DMXL1: variants seen among roughly 807,000 people sequenced by gnomAD.
The protein encoded by DMXL1 is dmX-like protein 1.
A neutral mutation model predicts 319.2 loss-of-function variants in DMXL1; 99 were observed. That is an observed-to-expected ratio of 0.31 (90% CI 0.26 to 0.37). The LOEUF (loss-of-function observed/expected upper bound fraction) is 0.37. Ranked by LOEUF, DMXL1 falls within the 10% of genes least tolerant of loss-of-function variation. DMXL1 has a pLI of 1.00. For synonymous variants in DMXL1, 1,385 were observed against 1,235.2 expected (o/e 1.12, Z -2.54); for missense variants, 3,745 against 3,595.6 (o/e 1.04, Z -1.06).
In DMXL1 at chr5:119,218,426, ATTTATTTTAT is replaced by A. The variant is rs1218226274; in HGVS notation, c.8013+1454_8013+1463del. Among the ~76,000 whole-genome samples, 4 of 151,732 alleles carry A rather than the reference ATTTATTTTAT, an allele frequency of 2.6e-5. No homozygotes were observed. The East Asian group carries it at 7.7e-4, about 29-fold the overall frequency. On this transcript the variant is annotated intron_variant, in intron 35 of 43. Transcript: ENST00000539542. ...TTATTTCCCCAGATTTGCTATTTTT[ATTTATTTTAT>A]TTTATTTTATTTTACTTTATTTTAT...
intron 35 of DMXL1, among the ~76,000 whole-genome samples, chr5:119,219,560 A>ATTT (rs200458602): frequency 0.044 from 6,645 of 151,012 alleles, 405 homozygotes; most frequent in East Asian, 0.14. Flanking sequence ...ACATTTAATT[A>ATTT]ATTAATTAAT....
At chr5:119,180,507 C>G (rs951178262) in intron 28 of DMXL1, among the ~76,000 whole-genome samples, 1 of 152,136 alleles carries the variant, frequency 6.6e-6, no homozygotes, top group Non-Finnish European at 1.5e-5. Flanking sequence ...TTAAATTAAA[C>G]TCATTTACTT....
intron 33 of DMXL1, among the ~76,000 whole-genome samples, chr5:119,204,115 C>T (rs1201457180): frequency 6.6e-6 from 1 of 151,992 alleles, no homozygotes; most frequent in African/African-American, 2.4e-5. Context: ...AACCACCACG[C>T]CCGGCCTGAA....
chr5:119,246,095 A>G (rs1318138115), intron 43 of DMXL1, among the ~76,000 whole-genome samples: 2 of 152,214 alleles, frequency 1.3e-5, no homozygotes, highest in African/African-American at 4.8e-5. Flanking sequence ...TTCTTCCCAT[A>G]AGTAAAGATG....
At chr5:119,175,014 AG>A (rs926591951) in intron 25 of DMXL1, among the ~76,000 whole-genome samples, 9 of 152,252 alleles carry the variant, frequency 5.9e-5, no homozygotes, top group Non-Finnish European at 8.8e-5. Flanking sequence ...CTCTAGAAAA[AG>A]AAATTAGGTA....
Position 119,133,653 on chromosome 5 carries a change from A to T in DMXL1, c.1729A>T (p.Ile577Phe). 6.2e-7 allele frequency: 1 copy of T among 1,614,162 alleles called. No individual in the cohort carries two copies. The highest frequency in any genetic ancestry group is 8.5e-7 in the Non-Finnish European group (1 of 1,180,024). ...CCTCACCCGTTCCACATCAATGCTT[A>T]TTTCTTCTGGTCACAATAAATCATC... ...SGLTRSTSMLISSGHNKSSNS... is the reference protein window; with the variant it reads ...SGLTRSTSMLFSSGHNKSSNS... The change falls in exon 12 of 44, where the codon ATT becomes TTT. Residue 577 changes from isoleucine (I) to phenylalanine (F), a missense_variant. Coordinates refer to ENST00000539542, the MANE Select transcript of DMXL1 (RefSeq NM_001290321.3).
In DMXL1 at chr5:119,080,961, A is replaced by G. The variant is rs117929313; in HGVS notation, c.87+9305A>G. On this transcript the variant is annotated intron_variant, in intron 1 of 43. Transcript: ENST00000539542. ...ATGTAAATCTGGCTAACTCATCCCT[A>G]AAGGCTTGGTTTTGATGTCCCTAGT... Among the ~76,000 whole-genome samples the G allele has an allele frequency of 9.3e-3, 1,421 of 152,284 alleles. 18 individuals are homozygous for G. Among genetic ancestry groups the G allele is most frequent in the South Asian group, 0.027 (128 of 4,828 alleles).
chr5:119,113,294 T>C (rs926285778), intron 5 of DMXL1, among the ~76,000 whole-genome samples: 14 of 152,156 alleles, frequency 9.2e-5, no homozygotes, highest in Admixed American at 9.2e-4. Flanking sequence ...CCAGGCTGAG[T>C]ATGGTGGCGT....
At chr5:119,089,846 G>A (rs1411162755) in intron 1 of DMXL1, among the ~76,000 whole-genome samples, 2 of 150,058 alleles carry the variant, frequency 1.3e-5, no homozygotes, top group African/African-American at 4.9e-5. Context: ...GGCTGGTCTT[G>A]AACTCCACAC....
rs745994850 is a variant in DMXL1 at position 119,094,851 on chromosome 5, C to CTT, written c.88-3111_88-3110dup. Among the ~76,000 whole-genome samples the CTT allele has an allele frequency of 4.4e-3, 594 of 133,914 alleles. 3 individuals carry two copies. Among genetic ancestry groups the CTT allele is most frequent in the African/African-American group, 0.015 (540 of 36,598 alleles). The allele number at this position is 133,914 out of a possible 152,430, so 87.9% of individuals were successfully genotyped here. On this transcript the variant is annotated intron_variant, in intron 1 of 43. Transcript: ENST00000539542. ...GGAAGTAACTGCAGACTTGCACAAT[C>CTT]TTTTTTTTTTTTTTTTTTAATTTTT... is the stretch of plus-strand genomic sequence containing the variant.
chr5:119,144,775 C>G, intron 15 of DMXL1, 137 bp downstream of exon 15: 2 of 506,762 alleles, frequency 3.9e-6, no homozygotes, highest in Non-Finnish European at 6.9e-6. Flanking sequence ...AAATATTTAT[C>G]ATAAATATGA....
At chr5:119,172,087 C>A in intron 25 of DMXL1, 118 bp downstream of exon 25, 1 of 908,532 alleles carries the variant, frequency 1.1e-6, no homozygotes, top group South Asian at 2.2e-5. Context: ...GCAATTGTTA[C>A]ATTGCCAAGT....
At chr5:119,087,400 GT>G (rs1415644131) in intron 1 of DMXL1, among the ~76,000 whole-genome samples, 2 of 151,968 alleles carry the variant, frequency 1.3e-5, no homozygotes, top group African/African-American at 4.8e-5. Context: ...TTTTAAGAAA[GT>G]TTTAATTTCC....
chr5:119,122,861 G>A (rs1323361197), intron 9 of DMXL1, among the ~76,000 whole-genome samples: 1 of 151,216 alleles, frequency 6.6e-6, no homozygotes, highest in African/African-American at 2.4e-5. Context: ...CCCAGACGAT[G>A]GGCGGCCAGG....
chr5:119,138,241 G>C (rs533502073), intron 13 of DMXL1, among the ~76,000 whole-genome samples: 1 of 152,082 alleles, frequency 6.6e-6, no homozygotes, highest in African/African-American at 2.4e-5. Flanking sequence ...GACTGGATGC[G>C]GTATGTGTGA....
intron 23 of DMXL1, 78 bp downstream of exon 23, chr5:119,167,942 G>C: frequency 7.2e-7 from 1 of 1,383,630 alleles, no homozygotes; most frequent in Non-Finnish European, 9.8e-7. Flanking sequence ...TCTATTAGGT[G>C]GTAAGGGTAA....
chr5:119,206,292 C>A (rs1781727942), intron 33 of DMXL1, among the ~76,000 whole-genome samples: 2 of 151,858 alleles, frequency 1.3e-5, no homozygotes, highest in Non-Finnish European at 2.9e-5. Flanking sequence ...ACAACTCTTT[C>A]TTTAACAAGT....
At position 119,107,794 on chromosome 5, in the gene DMXL1, T is replaced by C. The variant is rs1340903712; in HGVS notation, c.365-2357T>C. On this transcript the variant is annotated intron_variant, in intron 4 of 43. Transcript: ENST00000539542. ...GTTTCATTACTTCTTGTGCTTTTTT[T>C]TGGCCCCTGTCTATGAAACCTTCTG... Among the ~76,000 whole-genome samples the C allele has an allele frequency of 3.3e-5, 5 of 152,228 alleles. No individual in the cohort carries two copies. The South Asian group carries it at 6.2e-4, about 19-fold the overall frequency.
chr5:119,124,140 C>T (rs1762942620), intron 9 of DMXL1, among the ~76,000 whole-genome samples: 1 of 151,294 alleles, frequency 6.6e-6, no homozygotes, highest in Non-Finnish European at 1.5e-5. Flanking sequence ...AAAACCCCGT[C>T]TCTACCAAAA....
Sources: gnomAD v4.1 joint callset for allele counts (sites outside exome capture counted in the v4.1 genomes callset) on GRCh38, gnomAD v4.1.1 for gene constraint, MANE v1.5 for transcripts, NCBI Gene and HGNC (gene_info 2026-07-23, HGNC 2026-07-21) for gene names.